Variants in FER1L6 observed in about 807,000 individuals in gnomAD.
FER1L6 encodes the protein fer-1 like family member 6.
FER1L6 carries 177 observed loss-of-function variants against 219.2 expected under a neutral mutation model. The ratio of observed to expected loss-of-function variants is 0.81; its 90% CI spans 0.71 to 0.91. The LOEUF (loss-of-function observed/expected upper bound fraction) is 0.91. FER1L6 is among the 40% of genes least tolerant of loss of function. FER1L6 has a pLI of 0.00. For synonymous variants in FER1L6, 768 were observed against 824.3 expected (o/e 0.93, Z 1.17); for missense variants, 2,153 against 2,259.9 (o/e 0.95, Z 0.96).
intron 1 of FER1L6, among the ~76,000 whole-genome samples, chr8:123,884,359 C>A (rs946191093): frequency 7.2e-6 from 1 of 139,114 alleles, no homozygotes; most frequent in Non-Finnish European, 1.6e-5. Context: ...ACGAAGCTGC[C>A]AAGGGGCAGC....
chr8:124,095,426 C>T (rs796172108), intron 35 of FER1L6, among the ~76,000 whole-genome samples: 37 of 152,312 alleles, frequency 2.4e-4, no homozygotes, highest in African/African-American at 8.7e-4. Context: ...ATGCCCAGGA[C>T]TTTGTCCAAA....
At chr8:124,017,783 G>C (rs1335258116) in intron 16 of FER1L6, 65 bp downstream of exon 16, 3 of 1,323,602 alleles carry the variant, frequency 2.3e-6, no homozygotes, top group Non-Finnish European at 3.2e-6. Flanking sequence ...ATGAGGCATA[G>C]GTCACAGACC....
Position 123,975,134 on chromosome 8 carries a change from C to G in FER1L6, c.527-16C>G. On this transcript the variant is annotated splice_polypyrimidine_tract_variant and intron_variant, in intron 7 of 40. Coordinates refer to ENST00000522917, the MANE Select transcript of FER1L6 (RefSeq NM_001039112.2). The stretch of plus-strand genomic sequence containing the variant: ...CCCATCTGTGAAGGATGTGAGCTGT[C>G]AGGGTGCTTTCACAGGTCATCAGTT... The G allele has an allele frequency of 6.3e-7, 1 of 1,574,842 alleles. No individual in the cohort carries two copies.
At chr8:124,017,426 T>C (rs186832677) in intron 15 of FER1L6, among the ~76,000 whole-genome samples, 131 of 152,334 alleles carry the variant, frequency 8.6e-4, no homozygotes, top group Middle Eastern at 6.8e-3. Flanking sequence ...AAAACTAATG[T>C]TGGGTCTGGG....
At chr8:123,974,676 A>AG (rs1358500934) in intron 7 of FER1L6, among the ~76,000 whole-genome samples, 2 of 149,362 alleles carry the variant, frequency 1.3e-5, no homozygotes, top group African/African-American at 4.9e-5. Context: ...AAAAAAAAAA[A>AG]AAAAAAGAAA....
intron 12 of FER1L6, among the ~76,000 whole-genome samples, chr8:123,995,059 G>A (rs894376809): frequency 2.0e-5 from 3 of 152,166 alleles, no homozygotes; most frequent in Non-Finnish European, 4.4e-5. Context: ...TATTCTGCCT[G>A]GCTCACAGTT....
At chr8:124,029,225 T>C (rs1818852269) in intron 18 of FER1L6, among the ~76,000 whole-genome samples, 1 of 152,252 alleles carries the variant, frequency 6.6e-6, no homozygotes, top group Admixed American at 6.5e-5. Context: ...TTGTGAACAG[T>C]GCTGCAGTAA....
intron 1 of FER1L6, among the ~76,000 whole-genome samples, chr8:123,921,332 T>C (rs982924344): frequency 6.6e-6 from 1 of 152,194 alleles, no homozygotes; most frequent in Non-Finnish European, 1.5e-5. Flanking sequence ...AACTTCTTTA[T>C]ATCTTTGTCA....
rs183996059 is a variant in FER1L6 at position 123,905,181 on chromosome 8, A to C, written c.-7-50811A>C. Among the ~76,000 whole-genome samples, 717 of 152,270 alleles carry C rather than the reference A, an allele frequency of 4.7e-3. 2 individuals carry two copies. The highest frequency in any genetic ancestry group is 0.017 in the Middle Eastern group (5 of 294). ...CAAGTTGGTTTGCAACTATCAACCC[A>C]TCAGCTAGATATTAAGTCCCACATG... On this transcript the variant is annotated intron_variant, in intron 1 of 40. Coordinates refer to ENST00000522917, the MANE Select transcript of FER1L6 (RefSeq NM_001039112.2).
At chr8:124,024,060 C>T (rs572610919) in intron 18 of FER1L6, among the ~76,000 whole-genome samples, 6 of 152,062 alleles carry the variant, frequency 3.9e-5, no homozygotes, top group African/African-American at 1.4e-4. Context: ...CCATGCCTAG[C>T]TAATTTTTTG....
chr8:123,880,413 T>C (rs1196923553), intron 1 of FER1L6, among the ~76,000 whole-genome samples: 3 of 152,156 alleles, frequency 2.0e-5, no homozygotes. Context: ...GTTTATTCAG[T>C]TGAGGTTAAT....
rs1202396826 is a variant in FER1L6 at position 124,064,439 on chromosome 8, C to T, written c.3421C>T (p.Pro1141Ser). 1.2e-6 allele frequency: 2 copies of T among 1,613,866 alleles called. No individual in the cohort carries two copies. Among genetic ancestry groups the T allele is most frequent in the Admixed American group, 1.7e-5 (1 of 59,954 alleles). The change falls in exon 26 of 41, where the codon CCA (proline) becomes TCA (serine). Residue 1141 changes from proline to serine, a missense_variant. Coordinates refer to ENST00000522917, the MANE Select transcript of FER1L6 (RefSeq NM_001039112.2). ...PADHIYVDVE[P>S]PPTVVPDSAQ... ...AGATCACATTTATGTGGATGTTGAG[C>T]CACCTCCCACAGTGGTGCCCGACTC...
At chr8:123,904,878 G>A (rs940558643) in intron 1 of FER1L6, among the ~76,000 whole-genome samples, 3 of 152,166 alleles carry the variant, frequency 2.0e-5, no homozygotes, top group African/African-American at 7.2e-5. Flanking sequence ...TAAACATTCA[G>A]GATATTTATG....
intron 15 of FER1L6, 72 bp downstream of exon 15, chr8:124,013,603 G>A (rs1244455086): frequency 9.6e-7 from 1 of 1,039,416 alleles, no homozygotes; most frequent in Non-Finnish European, 1.4e-6. Context: ...CCTTGAGAAA[G>A]TCGTCGATTT....
chr8:123,963,248 A>G (rs757863690), intron 2 of FER1L6, 30 bp from the exon 3 acceptor site: 50 of 1,612,610 alleles, frequency 3.1e-5, no homozygotes, highest in Admixed American at 2.5e-4. Context: ...TCAATTTCAC[A>G]GGATTTTCTT....
intron 37 of FER1L6, among the ~76,000 whole-genome samples, chr8:124,099,348 GTTTCT>G (rs142432333): frequency 2.0e-5 from 3 of 151,560 alleles, no homozygotes; most frequent in South Asian, 2.1e-4. Context: ...CTACAACACT[GTTTCT>G]TCTCTACGGT....
At chr8:123,878,252 T>C (rs546326246) in intron 1 of FER1L6, among the ~76,000 whole-genome samples, 1 of 152,028 alleles carries the variant, frequency 6.6e-6, no homozygotes, top group African/African-American at 2.4e-5. Flanking sequence ...GCAGGGAAAA[T>C]TGGGGGACTC....
At chr8:124,035,499 G>A (rs777388455) in intron 19 of FER1L6, 45 bp downstream of exon 19, 7 of 1,565,502 alleles carry the variant, frequency 4.5e-6, no homozygotes, top group Non-Finnish European at 6.1e-6. Context: ...GGTCTCAGGT[G>A]GGCTTCTGAA....
intron 1 of FER1L6, among the ~76,000 whole-genome samples, chr8:123,923,540 AATTT>A (rs1813443601): frequency 6.6e-6 from 1 of 152,144 alleles, no homozygotes; most frequent in Non-Finnish European, 1.5e-5. Context: ...AAGAGTAGCC[AATTT>A]ATTTTAGGTT....
Sources: allele counts gnomAD v4.1 joint callset (sites outside exome capture counted in the v4.1 genomes callset), GRCh38; gene constraint gnomAD v4.1.1; transcripts MANE v1.5; gene names NCBI Gene and HGNC (gene_info 2026-07-23, HGNC 2026-07-21).